The following SGTA variants were observed in gnomAD, a reference collection of about 807,000 sequenced individuals.
The protein encoded by SGTA is small glutamine-rich tetratricopeptide repeat-containing protein alpha.
In SGTA, 22 loss-of-function variants were observed where a neutral mutation model predicts 44.3. The observed-to-expected ratio is 0.50, with a 90% CI of 0.36 to 0.71. SGTA has a LOEUF of 0.71. Ranked by LOEUF, SGTA falls within the 30% of genes least tolerant of loss-of-function variation. The pLI is 0.00. For missense variants in SGTA, 341 were observed against 435.9 expected (o/e 0.78, Z 1.94); for synonymous variants, 174 against 177.6 (o/e 0.98, Z 0.16).
chr19:2,767,548 G>C lies in SGTA; in HGVS notation c.207+32C>G. 6.4e-7 allele frequency: 1 copy of C among 1,557,836 alleles called. No individual in the cohort carries two copies. Among genetic ancestry groups the C allele is most frequent in the Non-Finnish European group, 8.9e-7 (1 of 1,129,916 alleles). ...GCCTGCTGTTGCTGTTCTTATTTTG[G>C]GGGCAGTGGCTGGGGAAGCATCGAG... On this transcript the variant is annotated intron_variant, in intron 3 of 11. Transcript: ENST00000221566. This position sits in a 1 kb window ranked among gnomAD's most constrained non-coding sequence, Gnocchi z 7.3.
At position 2,757,378 on chromosome 19, in the gene SGTA, T is replaced by A; in HGVS notation, c.907A>T (p.Thr303Ser). The change falls in exon 11 of 12, where the codon ACG (threonine) becomes TCG (serine). Residue 303 changes from threonine to serine, a missense_variant. Coordinates refer to ENST00000221566, the MANE Select transcript of SGTA (RefSeq NM_003021.4). ...TGGTCGTCGTTGCTGGCGCTGGGCG[T>A]CCGACTCCGGATCTGGCTCCTGAGC... Reference protein sequence around the residue: ...EQLRSQIRSRTPSASNDDQQE With the variant: ...EQLRSQIRSRSPSASNDDQQE 1 of 1,606,116 alleles carries A rather than the reference T, an allele frequency of 6.2e-7. No individual in the cohort carries two copies. The highest frequency in any genetic ancestry group is 8.5e-7 in the Non-Finnish European group (1 of 1,179,898).
In SGTA at chr19:2,767,090, G is replaced by A. The variant is rs1568310053; in HGVS notation, c.292+46C>T. On this transcript the variant is annotated intron_variant, in intron 4 of 11. Transcript: ENST00000221566. The surrounding 1 kb of genome is among the most constrained non-coding windows in gnomAD (Gnocchi z 7.3). The stretch of plus-strand genomic sequence containing the variant: ...TCTGCGAGGGTCCCACAGCCCCGGA[G>A]TCCAGGTAGGGCGAGGTGTCTGTGG... 2.8e-6 allele frequency: 4 copies of A among 1,432,482 alleles called. No homozygotes were observed. The African/African-American group carries it at 4.2e-5, about 15-fold the overall frequency. The allele number at this position is 1,432,482 out of a possible 1,614,324, so 88.7% of individuals were successfully genotyped here. A position where few individuals can be genotyped will look rare whatever the true frequency, so the allele number is the denominator to read the frequency against.
chr19:2,768,903 G>A, intron 2 of SGTA, 66 bp downstream of exon 2: 1 of 1,174,624 alleles, frequency 8.5e-7, no homozygotes, highest in South Asian at 1.2e-5. Flanking sequence ...CACACCAGGT[G>A]TCTACACGAG....
At chr19:2,775,459 A>G (rs895667774) in intron 1 of SGTA, among the ~76,000 whole-genome samples, 1 of 152,266 alleles carries the variant, frequency 6.6e-6, no homozygotes, top group Non-Finnish European at 1.5e-5. Flanking sequence ...CCACGCCACT[A>G]AACAAGCATA....
At position 2,761,529 on chromosome 19, in the gene SGTA, A is replaced by C; in HGVS notation, c.637-7T>G. The C allele has an allele frequency of 6.4e-7, 1 of 1,551,246 alleles. No individual in the cohort carries two copies. Among genetic ancestry groups the C allele is most frequent in the Non-Finnish European group, 8.7e-7 (1 of 1,146,710 alleles). ...AGCTGCCCACGCCTCCCGTCTGAGG[A>C]TGAGAACAGCCCTGGTTAGTGGGGC... is the stretch of plus-strand genomic sequence containing the variant. On this transcript the variant is annotated splice_polypyrimidine_tract_variant and splice_region_variant and intron_variant, in intron 7 of 11. Coordinates refer to ENST00000221566, the MANE Select transcript of SGTA (RefSeq NM_003021.4). The surrounding 1 kb of genome is among the most constrained non-coding windows in gnomAD (Gnocchi z 5.7).
chr19:2,781,698 G>C (rs1347586400), intron 1 of SGTA, among the ~76,000 whole-genome samples: 4 of 152,074 alleles, frequency 2.6e-5, no homozygotes, highest in South Asian at 4.2e-4. Context: ...CTGAACCCAG[G>C]CAGTCTGACT....
rs1005757626 is a variant in SGTA at position 2,767,724 on chromosome 19, C to T, written c.101-38G>A. On this transcript the variant is annotated intron_variant, in intron 2 of 11. Transcript: ENST00000221566. This position sits in a 1 kb window ranked among gnomAD's most constrained non-coding sequence, Gnocchi z 7.3. ...CAGAGGCGGTCCCATTCATTGCACG[C>T]AGCCCCGAGGTTACGTTTTTGGGTC... is the stretch of plus-strand genomic sequence containing the variant. The T allele has an allele frequency of 1.3e-6, 2 of 1,533,080 alleles. No homozygotes were observed. Among genetic ancestry groups the T allele is most frequent in the African/African-American group, 1.4e-5 (1 of 73,286 alleles). 95.0% of individuals were successfully genotyped at this position (1,533,080 alleles called of 1,614,324 possible).
chr19:2,761,755 G>A lies in SGTA; in HGVS notation c.637-233C>T, dbSNP rs1914998710. 6.7e-6 allele frequency among the ~76,000 whole-genome samples: 1 copy of A among 148,960 alleles called. No individual in the cohort carries two copies. The highest frequency in any genetic ancestry group is 2.1e-4 in the South Asian group (1 of 4,670). On this transcript the variant is annotated intron_variant, in intron 7 of 11. Coordinates refer to ENST00000221566, the MANE Select transcript of SGTA (RefSeq NM_003021.4). The surrounding 1 kb of genome is among the most constrained non-coding windows in gnomAD (Gnocchi z 5.7). ...AGCGCGACCGCCCGGGGACGGCACA[G>A]TCTATCATCCCGTGTTTATTCCCCG...
chr19:2,757,694 C>T lies in SGTA; in HGVS notation c.826G>A (p.Ala276Thr). The T allele has an allele frequency of 6.3e-7, 1 of 1,575,780 alleles. No homozygotes were observed. Residue 276 changes from alanine (A) to threonine (T), a missense_variant and splice_region_variant, in exon 10 of 12, where the codon GCG (alanine) becomes ACG (threonine). Transcript: ENST00000221566. ...SQNDLASLIQ[A>T]GQQFAQQMQQ... Reference sequence around the variant, plus strand: ...CCTCTTGGAAGCAGTTCCACTCACGCCTGGATGAGGCTGGCCAGGTCGTTC... The same window carrying T: ...CCTCTTGGAAGCAGTTCCACTCACGTCTGGATGAGGCTGGCCAGGTCGTTC...
intron 5 of SGTA, among the ~76,000 whole-genome samples, chr19:2,764,593 G>A (rs369966403): frequency 9.9e-5 from 15 of 151,488 alleles, no homozygotes; most frequent in African/African-American, 3.6e-4. Flanking sequence ...GGGTTTTTTT[G>A]AGACAGAGTC....
intron 4 of SGTA, among the ~76,000 whole-genome samples, 154 bp downstream of exon 4, chr19:2,766,982 C>T (rs1915160457): frequency 6.6e-6 from 1 of 152,118 alleles, no homozygotes; most frequent in Non-Finnish European, 1.5e-5. Context: ...GCCAGTCCCC[C>T]TTCCGTCCCC....
At chr19:2,770,636 G>T in intron 1 of SGTA, 1 of 153,066 alleles carries the variant, frequency 6.5e-6, no homozygotes, top group South Asian at 1.9e-4. Flanking sequence ...CCTGAGCACG[G>T]GACCTTGTCT....
chr19:2,782,827 G>A (rs1005164753), intron 1 of SGTA, among the ~76,000 whole-genome samples: 2 of 152,210 alleles, frequency 1.3e-5, no homozygotes, highest in Non-Finnish European at 2.9e-5. Flanking sequence ...CACCCAGGTA[G>A]GGACTGGCGG....
At chr19:2,756,416 A>G (rs1398858404) in intron 11 of SGTA, among the ~76,000 whole-genome samples, 1 of 150,964 alleles carries the variant, frequency 6.6e-6, no homozygotes, top group African/African-American at 2.4e-5. Flanking sequence ...TGACTGCACC[A>G]CTGCCCTCCA....
chr19:2,779,920 T>G (rs1437385123), intron 1 of SGTA, among the ~76,000 whole-genome samples: 1 of 150,244 alleles, frequency 6.7e-6, no homozygotes, highest in African/African-American at 2.5e-5. Context: ...CAAAAGAGAC[T>G]CTAAAAAAAA....
chr19:2,762,362 G>T, intron 7 of SGTA, 144 bp downstream of exon 7: 2 of 767,416 alleles, frequency 2.6e-6, no homozygotes, highest in South Asian at 1.7e-5. Flanking sequence ...TTCCACGCCT[G>T]TGCATCTCAC....
At chr19:2,766,589 C>T (rs1468726004) in intron 4 of SGTA, among the ~76,000 whole-genome samples, 3 of 152,066 alleles carry the variant, frequency 2.0e-5, no homozygotes, top group Non-Finnish European at 2.9e-5. Flanking sequence ...CCCACCACTG[C>T]ACCTGGCTAA....
intron 1 of SGTA, chr19:2,777,822 G>A (rs947929145): frequency 1.1e-4 from 17 of 151,906 alleles, no homozygotes; most frequent in African/African-American, 4.1e-4. Context: ...AGGCTGAAGT[G>A]GTCTGGAGTT....
At chr19:2,779,370 G>A (rs907442438) in intron 1 of SGTA, among the ~76,000 whole-genome samples, 3 of 152,176 alleles carry the variant, frequency 2.0e-5, no homozygotes, top group Admixed American at 2.0e-4. Flanking sequence ...CAAGGTGGGG[G>A]ACATCATCAA....
Sources: allele counts gnomAD v4.1 joint callset (sites outside exome capture counted in the v4.1 genomes callset), GRCh38; gene constraint gnomAD v4.1.1; non-coding constraint Gnocchi (gnomAD v3.1); transcripts MANE v1.5; gene names NCBI Gene and HGNC (gene_info 2026-07-23, HGNC 2026-07-21).